Variants in RASSF8 observed in about 807,000 individuals in gnomAD.
RASSF8 encodes Ras association domain family member 8.
In RASSF8, 22 loss-of-function variants were observed where a neutral mutation model predicts 48.5. The observed-to-expected ratio is 0.45, with a 90% CI of 0.32 to 0.65. The LOEUF (loss-of-function observed/expected upper bound fraction) is 0.65. RASSF8 is among the 30% of genes least tolerant of loss of function. RASSF8 has a pLI of 0.03. For missense variants in RASSF8, 418 were observed against 489.2 expected (o/e 0.85, Z 1.37); for synonymous variants, 127 against 171.5 (o/e 0.74, Z 2.03).
rs759164981 is a variant in RASSF8 at position 26,065,243 on chromosome 12, G to A, written c.849G>A (p.Glu283=). ...EAEKLQREVQ[E]AQVNEEEVKG... ...AAAAATTGCAACGGGAAGTTCAAGAGGCACAGGTCAATGAGGAAGAGGTTA... is the reference window on the plus strand; with the variant it reads ...AAAAATTGCAACGGGAAGTTCAAGAAGCACAGGTCAATGAGGAAGAGGTTA... The change falls in exon 4 of 6, where the codon GAG becomes GAA. Residue 283 remains glutamate (E), a synonymous_variant. Transcript: ENST00000689635. The A allele has an allele frequency of 6.2e-7, 1 of 1,614,152 alleles. No individual in the cohort carries two copies. The highest frequency in any genetic ancestry group is 1.7e-5 in the Admixed American group (1 of 60,022).
At chr12:25,967,119 A>T (rs1941377801) in intron 1 of RASSF8, among the ~76,000 whole-genome samples, 1 of 152,248 alleles carries the variant, frequency 6.6e-6, no homozygotes, top group Non-Finnish European at 1.5e-5. Flanking sequence ...GGTATTACAC[A>T]GTATTGTTAA....
intron 2 of RASSF8, among the ~76,000 whole-genome samples, chr12:26,017,937 G>A (rs776337551): frequency 6.6e-6 from 1 of 152,220 alleles, no homozygotes; most frequent in Non-Finnish European, 1.5e-5. Flanking sequence ...CACACAACCC[G>A]AAAAGTCTTT....
chr12:26,016,203 T>TA (rs1555164792), intron 2 of RASSF8, among the ~76,000 whole-genome samples: 1 of 126,850 alleles, frequency 7.9e-6, no homozygotes, highest in Non-Finnish European at 1.7e-5. Context: ...GGGCTGTTTT[T>TA]GGGTTTTTTT....
intron 1 of RASSF8, among the ~76,000 whole-genome samples, chr12:25,980,331 C>T (rs1375120000): frequency 6.6e-6 from 1 of 152,030 alleles, no homozygotes; most frequent in East Asian, 1.9e-4. Flanking sequence ...AGATAAATGC[C>T]ATATATACAA....
At chr12:25,987,847 A>ATTAT (rs1001105972) in intron 1 of RASSF8, among the ~76,000 whole-genome samples, 9 of 151,724 alleles carry the variant, frequency 5.9e-5, no homozygotes, top group South Asian at 4.2e-4. Context: ...TTGGTTTTTT[A>ATTAT]TTATTTATTT....
chr12:26,059,670 A>G (rs1318286454), intron 3 of RASSF8, among the ~76,000 whole-genome samples: 3 of 152,278 alleles, frequency 2.0e-5, no homozygotes, highest in Middle Eastern at 3.4e-3. Flanking sequence ...ATTTATAACA[A>G]TAGTCTAATT....
Position 26,055,470 on chromosome 12 carries a change from G to A in RASSF8, c.103+24G>A, listed in dbSNP as rs202130705. On this transcript the variant is annotated intron_variant, in intron 3 of 5. Coordinates refer to ENST00000689635, the MANE Select transcript of RASSF8 (RefSeq NM_001394098.1). ...AGGTGAGTGAACTCTGTGGGTATCT[G>A]AGAAAAGTACATTGTGCTTTCTTTC... 2.6e-6 allele frequency: 4 copies of A among 1,548,474 alleles called. No homozygotes were observed. In the East Asian group the frequency reaches 6.7e-5, roughly 26 times the overall value.
chr12:25,972,455 T>G (rs1374172470), intron 1 of RASSF8, among the ~76,000 whole-genome samples: 1 of 152,192 alleles, frequency 6.6e-6, no homozygotes, highest in African/African-American at 2.4e-5. Flanking sequence ...CCAGCAGTAT[T>G]TATAGTAATA....
intron 2 of RASSF8, among the ~76,000 whole-genome samples, chr12:26,020,683 G>A (rs74844033): frequency 0.051 from 7,820 of 152,146 alleles, 258 homozygotes; most frequent in East Asian, 0.12. Flanking sequence ...TTAAAAAAAA[G>A]ACTACCATTT....
intron 1 of RASSF8, among the ~76,000 whole-genome samples, chr12:25,963,321 CAAAAAAAAA>C (rs61607517): frequency 1.0e-5 from 1 of 96,180 alleles, no homozygotes; most frequent in Non-Finnish European, 2.1e-5. Context: ...TTGTTTTAGC[CAAAAAAAAA>C]AAAAAAAAAA....
In RASSF8 at chr12:26,070,855, T is replaced by A. The variant is rs1338459016; in HGVS notation, c.*2037T>A. ...TAGGAGTTTCAGAGATGCCTTGGCATACCACGAAAAACACTGTCAATATCC... is the reference window on the plus strand; with the variant it reads ...TAGGAGTTTCAGAGATGCCTTGGCAAACCACGAAAAACACTGTCAATATCC... On this transcript the variant is annotated 3_prime_UTR_variant, in exon 6 of 6. Coordinates refer to ENST00000689635, the MANE Select transcript of RASSF8 (RefSeq NM_001394098.1). The A allele has an allele frequency of 6.1e-6, 6 of 984,340 alleles. No individual in the cohort carries two copies. In the African/African-American group the frequency reaches 8.7e-5, roughly 14 times the overall value. 61.0% of individuals were successfully genotyped at this position (984,340 alleles called of 1,614,324 possible). A position where few individuals can be genotyped will look rare whatever the true frequency, so the allele number is the denominator to read the frequency against.
intron 1 of RASSF8, among the ~76,000 whole-genome samples, chr12:25,966,418 C>T (rs1001235915): frequency 6.6e-6 from 1 of 152,110 alleles, no homozygotes; most frequent in African/African-American, 2.4e-5. Flanking sequence ...CTATGTTGCC[C>T]AGGCTGGTCT....
chr12:26,002,496 C>T (rs1942284523), intron 2 of RASSF8, among the ~76,000 whole-genome samples: 1 of 148,550 alleles, frequency 6.7e-6, no homozygotes, highest in African/African-American at 2.5e-5. Flanking sequence ...AAATTATTGG[C>T]CAGGCACAGT....
chr12:26,077,172 G>A (rs1475401003), downstream of RASSF8, among the ~76,000 whole-genome samples: 2 of 152,216 alleles, frequency 1.3e-5, no homozygotes, highest in Admixed American at 6.5e-5. Flanking sequence ...CCCTTTGTCA[G>A]ATGGGTAGAT....
chr12:26,076,130 C>T (rs551539659), downstream of RASSF8, among the ~76,000 whole-genome samples: 1 of 152,186 alleles, frequency 6.6e-6, no homozygotes, highest in African/African-American at 2.4e-5. Flanking sequence ...ATCTATGATG[C>T]CCCCTAGTCT....
chr12:26,038,265 T>C (rs1943193118), intron 2 of RASSF8, among the ~76,000 whole-genome samples: 1 of 152,180 alleles, frequency 6.6e-6, no homozygotes, highest in Admixed American at 6.5e-5. Flanking sequence ...TAGAACTGAC[T>C]AGATGAAATA....
rs74071353 is a variant in RASSF8 at position 26,000,312 on chromosome 12, C to T, written c.-109+5182C>T. Among the ~76,000 whole-genome samples the T allele has an allele frequency of 8.8e-3, 1,339 of 152,082 alleles. 24 individuals are homozygous for T. Among genetic ancestry groups the T allele is most frequent in the African/African-American group, 0.031 (1,280 of 41,478 alleles). ...GAAAAGAGTGTATATGAATATCTAT[C>T]TTGGGCTTGGGAGAAAGAAGCTACT... On this transcript the variant is annotated intron_variant, in intron 2 of 5. Transcript: ENST00000689635.
intron 2 of RASSF8, among the ~76,000 whole-genome samples, chr12:26,048,157 T>G (rs1233226034): frequency 1.3e-5 from 2 of 152,206 alleles, no homozygotes; most frequent in Non-Finnish European, 2.9e-5. Flanking sequence ...AAATGGATGC[T>G]GAGGCAGCAT....
intron 2 of RASSF8, among the ~76,000 whole-genome samples, chr12:26,025,350 G>A (rs1045277740): frequency 3.9e-5 from 6 of 151,916 alleles, no homozygotes; most frequent in Non-Finnish European, 7.4e-5. Context: ...GAGGTCAGGA[G>A]ATCGAGACCA....
Sources: allele counts gnomAD v4.1 joint callset (sites outside exome capture counted in the v4.1 genomes callset), GRCh38; gene constraint gnomAD v4.1.1; transcripts MANE v1.5; gene names NCBI Gene and HGNC (gene_info 2026-07-23, HGNC 2026-07-21).